Variants in SHC3 observed in about 807,000 individuals in gnomAD.
SHC3 encodes SHC adaptor protein 3.
Under a neutral mutation model 60.4 loss-of-function variants are expected in SHC3, and 15 were observed. That is an observed-to-expected ratio of 0.25 (90% CI 0.17 to 0.38). The LOEUF (loss-of-function observed/expected upper bound fraction) is 0.38, where lower values mean the gene tolerates loss of function less well. Ranked by LOEUF, SHC3 falls within the 10% of genes least tolerant of loss-of-function variation. The pLI is 1.00. For synonymous variants in SHC3, 294 were observed against 325.9 expected, an observed-to-expected ratio of 0.90 and a Z score of 1.05; for missense variants, 677 against 786.1, an observed-to-expected ratio of 0.86 and a Z score of 1.66.
intron 9 of SHC3, among the ~76,000 whole-genome samples, chr9:89,043,133 C>T (rs1273663412): frequency 6.6e-6 from 1 of 152,160 alleles, no homozygotes; most frequent in South Asian, 2.1e-4. Context: ...TTGAAGCCAG[C>T]TCAATCCAGC....
At chr9:89,139,838 G>C (rs1826367574) in intron 1 of SHC3, among the ~76,000 whole-genome samples, 1 of 152,184 alleles carries the variant, frequency 6.6e-6, no homozygotes, top group Non-Finnish European at 1.5e-5. Flanking sequence ...CTTGAGCCTA[G>C]CTAGGGAGCA....
At chr9:89,108,519 C>T (rs1825898301) in intron 2 of SHC3, among the ~76,000 whole-genome samples, 1 of 151,536 alleles carries the variant, frequency 6.6e-6, no homozygotes, top group South Asian at 2.1e-4. Flanking sequence ...GAAACACTGT[C>T]TCAAAAAAAA....
chr9:89,166,134 T>TAC (rs1312642019), intron 1 of SHC3, among the ~76,000 whole-genome samples: 2 of 152,126 alleles, frequency 1.3e-5, no homozygotes, highest in Non-Finnish European at 1.5e-5. Flanking sequence ...CACTGACACC[T>TAC]ACACACACAT....
Position 89,012,585 on chromosome 9 carries a change from A to G in SHC3, c.*862T>C, listed in dbSNP as rs906697247. 1.4e-4 allele frequency: 21 copies of G among 152,298 alleles called. No individual in the cohort carries two copies. The highest frequency in any genetic ancestry group is 4.6e-4 in the African/African-American group (19 of 41,566). The allele number at this position is 152,298 out of a possible 1,614,324, so 9.4% of individuals were successfully genotyped here. On this transcript the variant is annotated 3_prime_UTR_variant, in exon 12 of 12. Coordinates refer to ENST00000375835, the MANE Select transcript of SHC3 (RefSeq NM_016848.6). Reference sequence around the variant, plus strand: ...CTGTAGTCAACCGCTGACTAGAGGGAGACACAAACCAGGAATTTGCCCCGA... The same window carrying G: ...CTGTAGTCAACCGCTGACTAGAGGGGGACACAAACCAGGAATTTGCCCCGA...
At chr9:89,023,111 A>T (rs1362482640) in intron 11 of SHC3, among the ~76,000 whole-genome samples, 4 of 152,168 alleles carry the variant, frequency 2.6e-5, no homozygotes, top group African/African-American at 9.7e-5. Context: ...GGCTTCCTCT[A>T]TGAGAAGCGA....
At chr9:89,140,859 A>G (rs772482170) in intron 1 of SHC3, among the ~76,000 whole-genome samples, 2 of 152,214 alleles carry the variant, frequency 1.3e-5, no homozygotes, top group Non-Finnish European at 2.9e-5. Context: ...AAAACAGTTC[A>G]GTCGACTGAG....
chr9:89,063,920 C>T (rs758788028), intron 6 of SHC3, among the ~76,000 whole-genome samples: 2 of 152,234 alleles, frequency 1.3e-5, no homozygotes, highest in Non-Finnish European at 2.9e-5. Context: ...GTAACAACAC[C>T]ACAGGCTGGG....
rs112267683 is a variant in SHC3 at position 89,040,499 on chromosome 9, A to T, written c.1360+1527T>A. ...TGGTTCTCATTTTTTCATCCCAAAC[A>T]CCAGCCAATCTAACTTTCCTTAGGG... On this transcript the variant is annotated intron_variant, in intron 10 of 11. Transcript: ENST00000375835. Among the ~76,000 whole-genome samples, 1,016 of 152,074 alleles carry T rather than the reference A, an allele frequency of 6.7e-3. 5 individuals are homozygous for T. Among genetic ancestry groups the T allele is most frequent in the Middle Eastern group, 0.017 (5 of 292 alleles).
intron 1 of SHC3, among the ~76,000 whole-genome samples, chr9:89,131,647 T>C (rs955959215): frequency 3.9e-5 from 6 of 151,908 alleles, no homozygotes; most frequent in African/African-American, 1.4e-4. Context: ...AACAGAACCA[T>C]AGACAAAAAC....
chr9:89,155,324 C>T (rs1438229117), intron 1 of SHC3, among the ~76,000 whole-genome samples: 1 of 152,184 alleles, frequency 6.6e-6, no homozygotes, highest in Non-Finnish European at 1.5e-5. Flanking sequence ...GAGCCGGCTT[C>T]TCTCTCCTTG....
intron 1 of SHC3, among the ~76,000 whole-genome samples, chr9:89,169,355 G>A (rs1457496509): frequency 2.0e-5 from 3 of 152,116 alleles, no homozygotes; most frequent in Non-Finnish European, 2.9e-5. Context: ...ACGGGACCCT[G>A]AACCACTTGG....
At chr9:89,018,086 T>C (rs1826126776) in intron 11 of SHC3, among the ~76,000 whole-genome samples, 2 of 152,200 alleles carry the variant, frequency 1.3e-5, no homozygotes, top group South Asian at 2.1e-4. Context: ...AGTGTGGTGA[T>C]TCCTCAAAGA....
At chr9:89,028,829 T>G (rs962805820) in intron 11 of SHC3, among the ~76,000 whole-genome samples, 5 of 147,142 alleles carry the variant, frequency 3.4e-5, no homozygotes, top group Admixed American at 6.8e-5. Flanking sequence ...AGCATATATA[T>G]ACACACAAAC....
intron 1 of SHC3, among the ~76,000 whole-genome samples, chr9:89,161,578 C>T (rs1359994703): frequency 1.3e-5 from 2 of 152,180 alleles, no homozygotes; most frequent in Non-Finnish European, 2.9e-5. Context: ...GCTGCCATAA[C>T]AAATATACCA....
intron 11 of SHC3, among the ~76,000 whole-genome samples, chr9:89,027,661 G>A (rs1826342553): frequency 6.6e-6 from 1 of 152,176 alleles, no homozygotes; most frequent in South Asian, 2.1e-4. Flanking sequence ...ATGAGTACAG[G>A]AATTGCCCTA....
At chr9:89,052,274 C>A in intron 6 of SHC3, 111 bp from the exon 7 acceptor site, 5 of 1,351,622 alleles carry the variant, frequency 3.7e-6, no homozygotes, top group Non-Finnish European at 5.0e-6. Context: ...CATGCTTCTT[C>A]CATAATATGT....
intron 6 of SHC3, among the ~76,000 whole-genome samples, chr9:89,059,696 G>C (rs1825040483): frequency 6.2e-5 from 4 of 64,204 alleles, no homozygotes; most frequent in Admixed American, 1.7e-4. Flanking sequence ...GAGGATGGTG[G>C]TGGAGGACAT....
rs887070449 is a variant in SHC3 at position 89,147,176 on chromosome 9, TA to T, written c.474+30810del. On this transcript the variant is annotated intron_variant, in intron 1 of 11. Coordinates refer to ENST00000375835, the MANE Select transcript of SHC3 (RefSeq NM_016848.6). ...GTAACTGGCAAAATAAAAAAAAAAT[TA>T]AAAAAAAAAAGCCCTTCAACCCTCA... is the stretch of plus-strand genomic sequence containing the variant. 5.2e-3 allele frequency among the ~76,000 whole-genome samples: 716 copies of T among 137,986 alleles called. 3 individuals are homozygous for T. Among genetic ancestry groups the T allele is most frequent in the African/African-American group, 0.017 (618 of 37,430 alleles). 90.5% of individuals were successfully genotyped at this position (137,986 alleles called of 152,430 possible).
At position 89,038,200 on chromosome 9, in the gene SHC3, AG is replaced by A; in HGVS notation, c.1448del (p.Pro483LeufsTer22). The stretch of plus-strand genomic sequence containing the variant: ...CCAGCATCTTGGCATCTGGGGCTCT[AG>A]GTGACACAGGGCTGATGCACTCCAC... ...ASVECISPVSPRAPDAKMLEE... is the reference protein window; with the variant it reads ...ASVECISPVSXRAPDAKMLEE... On this transcript the variant is annotated frameshift_variant, in exon 11 of 12. Coordinates refer to ENST00000375835, the MANE Select transcript of SHC3 (RefSeq NM_016848.6). LOFTEE classifies it high-confidence loss of function. 1 of 1,614,088 alleles carries A rather than the reference AG, an allele frequency of 6.2e-7. No homozygotes were observed. The highest frequency in any genetic ancestry group is 8.5e-7 in the Non-Finnish European group (1 of 1,180,026).
Sources: allele counts gnomAD v4.1 joint callset (sites outside exome capture counted in the v4.1 genomes callset), GRCh38; gene constraint gnomAD v4.1.1; transcripts MANE v1.5; gene names NCBI Gene and HGNC (gene_info 2026-07-23, HGNC 2026-07-21).